SLC66A3: variants seen among roughly 807,000 people sequenced by gnomAD.
The protein encoded by SLC66A3 is PQ loop repeat containing 3.
A neutral mutation model predicts 25.5 loss-of-function variants in SLC66A3; 23 were observed. The ratio of observed to expected loss-of-function variants is 0.90; its 90% CI spans 0.65 to 1.28. The LOEUF is 1.28. SLC66A3 is among the 50% of genes most tolerant of loss of function. The pLI is 0.00. For missense variants in SLC66A3, 246 were observed against 262.1 expected (o/e 0.94, Z 0.42); for synonymous variants, 108 against 112.6 (o/e 0.96, Z 0.26).
intron 4 of SLC66A3, among the ~76,000 whole-genome samples, chr2:11,170,066 T>C (rs1212061464): frequency 6.6e-6 from 1 of 152,124 alleles, no homozygotes; most frequent in Non-Finnish European, 1.5e-5. Flanking sequence ...CTCGATCTCT[T>C]GACCTCGTGA....
At chr2:11,162,406 A>G (rs1662160112) in intron 3 of SLC66A3, among the ~76,000 whole-genome samples, 1 of 152,218 alleles carries the variant, frequency 6.6e-6, no homozygotes, top group Non-Finnish European at 1.5e-5. Context: ...TACTTTTGAA[A>G]TAAAATGCAA....
chr2:11,157,145 A>G (rs1661935229), intron 1 of SLC66A3, among the ~76,000 whole-genome samples: 1 of 152,016 alleles, frequency 6.6e-6, no homozygotes, highest in African/African-American at 2.4e-5. Flanking sequence ...AAAAATGCAA[A>G]CCCTCAGAGA....
chr2:11,170,072 C>T (rs909354242), intron 4 of SLC66A3, among the ~76,000 whole-genome samples: 1 of 152,126 alleles, frequency 6.6e-6, no homozygotes, highest in Non-Finnish European at 1.5e-5. Flanking sequence ...CTCTTGACCT[C>T]GTGATCTGCC....
Position 11,177,779 on chromosome 2 carries a change from T to TC in SLC66A3, c.560_561insC (p.Thr188AsnfsTer15). The TC allele has an allele frequency of 6.2e-7, 1 of 1,611,904 alleles. No homozygotes were observed. Among genetic ancestry groups the TC allele is most frequent in the Non-Finnish European group, 8.5e-7 (1 of 1,178,778 alleles). On this transcript the variant is annotated frameshift_variant, in exon 7 of 7. Coordinates refer to ENST00000295083, the MANE Select transcript of SLC66A3 (RefSeq NM_152391.5). LOFTEE classifies it high-confidence loss of function. ...ATCATGCTGGCTTTAAATATATGGG[T>TC]AACAGTGACAGTACTTCGCTACCGG...
chr2:11,160,819 AAAT>A (rs200456713), intron 3 of SLC66A3, 125 bp downstream of exon 3: 54,615 of 839,756 alleles, frequency 0.065, 346 homozygotes, highest in East Asian at 0.15. Context: ...AAAAAAAAAA[AAAT>A]CCCAAATGCA....
rs1186098636 is a variant in SLC66A3, at chr2:11,169,837, C to CTTT, written c.355-2070_355-2068dup. The stretch of plus-strand genomic sequence containing the variant: ...GATTAGAATCACCCTGGATTTCTCT[C>CTTT]TTTTTTTTTTTTTTTTTTTTGAGAC... On this transcript the variant is annotated intron_variant, in intron 4 of 6. Coordinates refer to ENST00000295083, the MANE Select transcript of SLC66A3 (RefSeq NM_152391.5). 4.5e-4 allele frequency among the ~76,000 whole-genome samples: 40 copies of CTTT among 89,042 alleles called. 1 individual carries two copies. The highest frequency in any genetic ancestry group is 3.0e-4 in the African/African-American group (6 of 19,910). The allele number at this position is 89,042 out of a possible 152,430, so 58.4% of individuals were successfully genotyped here.
At chr2:11,157,896 C>G (rs979750544) in intron 1 of SLC66A3, among the ~76,000 whole-genome samples, 3 of 152,150 alleles carry the variant, frequency 2.0e-5, no homozygotes, top group African/African-American at 7.2e-5. Flanking sequence ...TCCCTGCTCT[C>G]TGCAGCCAGG....
chr2:11,155,634 G>C lies in SLC66A3; in HGVS notation c.88G>C (p.Ala30Pro). ...LKLPQISAVL[A>P]ARSARGLSLP... ...GCTGCCGCAGATCTCCGCTGTGCTA[G>C]CGGCGCGCAGCGCGCGGGGCCTCAG... Residue 30 changes from alanine (A) to proline (P), a missense_variant, in exon 1 of 7, where the codon GCG (alanine) becomes CCG (proline). By Grantham distance (27) the Ala-to-Pro change is conservative. This residue lies in a region of SLC66A3 where 142 missense variants were observed against 130.3 expected (regional missense o/e 1.09). Transcript: ENST00000295083. 6.6e-7 allele frequency: 1 copy of C among 1,513,958 alleles called. No individual in the cohort carries two copies. The highest frequency in any genetic ancestry group is 8.8e-7 in the Non-Finnish European group (1 of 1,142,262). 93.8% of individuals were successfully genotyped at this position (1,513,958 alleles called of 1,614,324 possible).
chr2:11,176,528 T>C (rs1013195447), intron 6 of SLC66A3, among the ~76,000 whole-genome samples: 3 of 129,340 alleles, frequency 2.3e-5, no homozygotes, highest in East Asian at 2.3e-4. Context: ...GGAATAACTT[T>C]TTTTTTTTTT....
intron 1 of SLC66A3, 122 bp from the exon 2 acceptor site, chr2:11,160,344 C>A: frequency 1.3e-6 from 1 of 786,410 alleles, no homozygotes; most frequent in Non-Finnish European, 2.2e-6. Flanking sequence ...CTCTTTGACA[C>A]TGGCGTGTCC....
chr2:11,172,020 G>C lies in SLC66A3; in HGVS notation c.450G>C (p.Trp150Cys), dbSNP rs773920198. 2.2e-5 allele frequency: 36 copies of C among 1,613,950 alleles called. No individual in the cohort carries two copies. Among genetic ancestry groups the C allele is most frequent in the Non-Finnish European group, 2.9e-5 (34 of 1,179,976 alleles). ...RDSGTVSALTWSLSSYTCATR... is the reference protein window; with the variant it reads ...RDSGTVSALTCSLSSYTCATR... ...CAGGAACTGTGAGTGCGCTGACTTG[G>C]AGCCTCTCTTCCTATACCTGTGCAA... The change falls in exon 5 of 7, where the codon TGG becomes TGC. Residue 150 changes from tryptophan (W) to cysteine (C), a missense_variant. Transcript: ENST00000295083.
At chr2:11,165,905 A>G (rs1662324048) in intron 4 of SLC66A3, among the ~76,000 whole-genome samples, 1 of 152,082 alleles carries the variant, frequency 6.6e-6, no homozygotes, top group South Asian at 2.1e-4. Flanking sequence ...AATCCCAGGC[A>G]CTCGGCAGGC....
At chr2:11,161,695 A>T (rs1057283431) in intron 3 of SLC66A3, among the ~76,000 whole-genome samples, 1 of 151,882 alleles carries the variant, frequency 6.6e-6, no homozygotes, top group African/African-American at 2.4e-5. Context: ...ATTAAAAAAC[A>T]TTTTTTTTAG....
intron 1 of SLC66A3, among the ~76,000 whole-genome samples, chr2:11,156,350 TTCA>T (rs1160233465): frequency 2.6e-5 from 4 of 152,170 alleles, no homozygotes; most frequent in Non-Finnish European, 5.9e-5. Context: ...ATTCAAAGTA[TTCA>T]TCATGCCAGA....
intron 4 of SLC66A3, among the ~76,000 whole-genome samples, chr2:11,167,578 A>G (rs1352969488): frequency 6.6e-6 from 1 of 152,202 alleles, no homozygotes; most frequent in African/African-American, 2.4e-5. Context: ...ATGGAATATA[A>G]TTTTGATTCT....
At chr2:11,176,973 AT>A (rs1378381615) in intron 6 of SLC66A3, among the ~76,000 whole-genome samples, 2 of 151,762 alleles carry the variant, frequency 1.3e-5, no homozygotes, top group Admixed American at 1.3e-4. Flanking sequence ...AGTTATATAT[AT>A]TTATTTATTT....
chr2:11,163,908 T>A (rs1037663007), intron 3 of SLC66A3, among the ~76,000 whole-genome samples: 1 of 152,234 alleles, frequency 6.6e-6, no homozygotes, highest in African/African-American at 2.4e-5. Flanking sequence ...TGGTCTAGAA[T>A]TCAGTGGGCA....
At chr2:11,166,060 G>C (rs888361800) in intron 4 of SLC66A3, among the ~76,000 whole-genome samples, 2 of 152,188 alleles carry the variant, frequency 1.3e-5, no homozygotes, top group Non-Finnish European at 2.9e-5. Flanking sequence ...TTTTAGTAGA[G>C]ACAGGGTTTC....
chr2:11,173,474 T>A (rs910079209), intron 5 of SLC66A3, among the ~76,000 whole-genome samples: 9 of 152,244 alleles, frequency 5.9e-5, no homozygotes, highest in South Asian at 4.1e-4. Context: ...TCTGTCTACT[T>A]ATATGATTGA....
Sources: allele counts gnomAD v4.1 joint callset (sites outside exome capture counted in the v4.1 genomes callset), GRCh38; gene constraint gnomAD v4.1.1; regional missense constraint gnomAD v4.1.1; transcripts MANE v1.5; gene names NCBI Gene and HGNC (gene_info 2026-07-23, HGNC 2026-07-21).